ZFP62: variants seen among roughly 807,000 people sequenced by gnomAD.
ZFP62 encodes the protein ZFP62 zinc finger protein.
A neutral mutation model predicts 56.4 loss-of-function variants in ZFP62; 44 were observed. The observed-to-expected ratio is 0.78, with a 90% CI of 0.61 to 1.00. The LOEUF (loss-of-function observed/expected upper bound fraction) is 1.00, where lower values mean the gene tolerates loss of function less well. Among genes scored for constraint, ZFP62 ranks in the 50% least tolerant of loss-of-function variants. The pLI is 0.00. For missense variants in ZFP62, 1,030 were observed against 1,085.7 expected (o/e 0.95, Z 0.72); for synonymous variants, 421 against 388.9 (o/e 1.08, Z -0.97).
At chr5:180,839,010 A>G in the ZFP62 span, among the ~76,000 whole-genome samples, 1,380 of 152,318 alleles carry the variant, frequency 9.1e-3, 13 homozygotes, top group Non-Finnish European at 0.014. Context: ...CCACCAAAAC[A>G]TTTATCATGA....
At chr5:180,859,539 T>A (rs1398792968) in intron 1 of ZFP62, among the ~76,000 whole-genome samples, 1 of 152,242 alleles carries the variant, frequency 6.6e-6, no homozygotes, top group Non-Finnish European at 1.5e-5. Context: ...AAAGGTGATT[T>A]TTCCTTAAAG....
chr5:180,841,242 C>CAT, the ZFP62 span, among the ~76,000 whole-genome samples: 19 of 146,594 alleles, frequency 1.3e-4, no homozygotes, highest in Middle Eastern at 3.2e-3. Flanking sequence ...GTGCTATATC[C>CAT]ATATATATAT....
chr5:180,830,887 G>A, the ZFP62 span: 3 of 150,904 alleles, frequency 2.0e-5, no homozygotes, highest in South Asian at 6.3e-4. Flanking sequence ...AAGGCGCAGG[G>A]AGGGAGAGAC....
At chr5:180,857,049 C>A (rs556292511) in intron 1 of ZFP62, among the ~76,000 whole-genome samples, 1 of 150,226 alleles carries the variant, frequency 6.7e-6, no homozygotes, top group Non-Finnish European at 1.5e-5. Flanking sequence ...GAGAAGAGTG[C>A]CAAGGGAAGA....
the ZFP62 span, chr5:180,830,210 T>C: frequency 6.6e-6 from 1 of 152,358 alleles, no homozygotes; most frequent in Non-Finnish European, 1.5e-5. Flanking sequence ...CTCTCCATCT[T>C]TAAGCCATTG....
the ZFP62 span, chr5:180,831,344 G>A: frequency 6.6e-6 from 1 of 152,162 alleles, no homozygotes; most frequent in South Asian, 2.1e-4. Flanking sequence ...GCCTCGGAGG[G>A]AAACCTTCCG....
chr5:180,846,721 T>C (rs572061234), downstream of ZFP62, among the ~76,000 whole-genome samples: 56 of 152,194 alleles, frequency 3.7e-4, no homozygotes, highest in Non-Finnish European at 5.9e-4. Flanking sequence ...AATTCATCCA[T>C]TAGGGTGGTT....
At position 180,848,944 on chromosome 5, in the gene ZFP62, T is replaced by C. The variant is rs1300798269; in HGVS notation, c.2551A>G (p.Ile851Val). 7.1e-6 allele frequency: 11 copies of C among 1,551,700 alleles called. No individual in the cohort carries two copies. The highest frequency in any genetic ancestry group is 9.6e-6 in the Non-Finnish European group (11 of 1,147,016). Residue 851 changes from isoleucine (I) to valine (V), a missense_variant, in exon 2 of 2, where the codon ATC (isoleucine) becomes GTC (valine). Coordinates refer to ENST00000502412, the MANE Select transcript of ZFP62 (RefSeq NM_001172638.2). ...TTATGCTTGGTGAGATTTGATCTGA[T>C]ATTAAAAGCCTTACCACACTCATTA... is the stretch of plus-strand genomic sequence containing the variant. ...RCNECGKAFN[I>V]RSNLTKHKRT...
chr5:180,850,048 C>T lies in ZFP62; in HGVS notation c.1447G>A (p.Gly483Arg). 6.4e-7 allele frequency: 1 copy of T among 1,551,856 alleles called. No homozygotes were observed. The highest frequency in any genetic ancestry group is 8.7e-7 in the Non-Finnish European group (1 of 1,147,088). ...CTAGAGCGTGAGATATAGGCTTTCC[C>T]ACACACATCACACTTATATGGTTTT... The part of the protein sequence containing the change: ...GEKPYKCDVC[G>R]KAYISRSSLK... Residue 483 changes from glycine to arginine, a missense_variant, in exon 2 of 2, where the codon GGG becomes AGG. Coordinates refer to ENST00000502412, the MANE Select transcript of ZFP62 (RefSeq NM_001172638.2).
At chr5:180,838,594 A>G in the ZFP62 span, among the ~76,000 whole-genome samples, 18,011 of 152,238 alleles carry the variant, frequency 0.12, 1,138 homozygotes, top group South Asian at 0.15. Context: ...TAGGAAATAC[A>G]CACTCAAAAG....
Position 180,849,697 on chromosome 5 carries a change from T to C in ZFP62, c.1798A>G (p.Thr600Ala), listed in dbSNP as rs1236808811. ...KCDECEKAFITYRTLTNHKKV... is the reference protein window; with the variant it reads ...KCDECEKAFIAYRTLTNHKKV... ...TTGTGGTTTGTAAGGGTTCGGTATG[T>C]GATGAAGGCCTTCTCACACTCGTCA... Residue 600 changes from threonine to alanine, a missense_variant, in exon 2 of 2, where the codon ACA becomes GCA. Physicochemically the swap from Thr to Ala is moderately conservative, Grantham distance 58. Coordinates refer to ENST00000502412, the MANE Select transcript of ZFP62 (RefSeq NM_001172638.2). 3 of 1,551,344 alleles carry C rather than the reference T, an allele frequency of 1.9e-6. No individual in the cohort carries two copies. The East Asian group carries it at 7.3e-5, about 38-fold the overall frequency.
At chr5:180,851,958 C>CA (rs1417759385) in intron 1 of ZFP62, 1 of 934,474 alleles carries the variant, frequency 1.1e-6, no homozygotes, top group Non-Finnish European at 1.3e-6. Flanking sequence ...CAGCAGAGGA[C>CA]AGACAAAACT....
At chr5:180,832,001 A>T in the ZFP62 span, 1 of 153,476 alleles carries the variant, frequency 6.5e-6, no homozygotes, top group South Asian at 2.1e-4. Context: ...CCTCCCCAGA[A>T]TCGCTTGAAC....
chr5:180,861,057 G>A (rs1197659954), intron 1 of ZFP62, among the ~76,000 whole-genome samples, 162 bp downstream of exon 1: 2 of 152,140 alleles, frequency 1.3e-5, no homozygotes, highest in African/African-American at 4.8e-5. Flanking sequence ...CCTCCCCTCC[G>A]CTCCCCAGAA....
chr5:180,851,966 A>G, intron 1 of ZFP62: 1 of 971,266 alleles, frequency 1.0e-6, no homozygotes, highest in Non-Finnish European at 1.2e-6. Context: ...GACAGACAAA[A>G]CTAAAGAGAA....
downstream of ZFP62, among the ~76,000 whole-genome samples, chr5:180,846,331 C>T (rs1029935237): frequency 1.3e-5 from 2 of 152,190 alleles, no homozygotes; most frequent in African/African-American, 4.8e-5. Context: ...GTTATTTAGC[C>T]TGCATCTCCC....
chr5:180,828,436 C>A, the ZFP62 span, among the ~76,000 whole-genome samples: 5 of 152,108 alleles, frequency 3.3e-5, no homozygotes, highest in Admixed American at 3.3e-4. Context: ...TTCTATGTTG[C>A]GGGAAGTCAG....
At chr5:180,846,062 G>C (rs1773405228), downstream of ZFP62, among the ~76,000 whole-genome samples, 2 of 152,136 alleles carry the variant, frequency 1.3e-5, no homozygotes, top group Admixed American at 1.3e-4. Flanking sequence ...AAGGAACCGG[G>C]GGTGGTGCCT....
chr5:180,830,096 C>G, the ZFP62 span: 1 of 152,162 alleles, frequency 6.6e-6, no homozygotes, highest in Non-Finnish European at 1.5e-5. Flanking sequence ...CTGAAGTGTA[C>G]TCAGAATGGA....
Sources: gnomAD v4.1 joint callset for allele counts (sites outside exome capture counted in the v4.1 genomes callset) on GRCh38, gnomAD v4.1.1 for gene constraint, MANE v1.5 for transcripts, NCBI Gene and HGNC (gene_info 2026-07-23, HGNC 2026-07-21) for gene names.